CTNNA2: variants seen among roughly 807,000 people sequenced by gnomAD.
The protein encoded by CTNNA2 is catenin alpha-2.
In CTNNA2, 42 loss-of-function variants were observed where a neutral mutation model predicts 101.0. That is an observed-to-expected ratio of 0.42 (90% CI 0.32 to 0.54). The LOEUF is 0.54. Ranked by LOEUF, CTNNA2 falls within the 20% of genes least tolerant of loss-of-function variation. The pLI is 0.14. For synonymous variants in CTNNA2, 450 were observed against 456.4 expected (o/e 0.99, Z 0.18); for missense variants, 871 against 1,223.1 (o/e 0.71, Z 4.29).
chr2:80,000,107 A>C (rs1303677341), intron 7 of CTNNA2, among the ~76,000 whole-genome samples: 1 of 152,116 alleles, frequency 6.6e-6, no homozygotes, highest in Non-Finnish European at 1.5e-5. Flanking sequence ...CACTGATGGG[A>C]TGTGGAGAGC....
At chr2:79,950,152 AC>A (rs1558667516) in intron 7 of CTNNA2, among the ~76,000 whole-genome samples, 2 of 151,200 alleles carry the variant, frequency 1.3e-5, no homozygotes, top group African/African-American at 4.9e-5. Context: ...AAAAAAAAAA[AC>A]CATAAACTAA....
chr2:79,703,203 T>C (rs182807710), intron 2 of CTNNA2, among the ~76,000 whole-genome samples: 14 of 152,344 alleles, frequency 9.2e-5, no homozygotes, highest in Non-Finnish European at 1.5e-5. Flanking sequence ...AGTTCTAATC[T>C]GCATGTTTAT....
intron 9 of CTNNA2, among the ~76,000 whole-genome samples, chr2:80,531,175 C>T (rs942116828): frequency 6.6e-5 from 10 of 152,190 alleles, no homozygotes; most frequent in South Asian, 2.1e-4. Flanking sequence ...GTCTCCCCTA[C>T]CCCATATTCC....
At chr2:79,840,553 T>C (rs972947831) in intron 3 of CTNNA2, among the ~76,000 whole-genome samples, 1 of 152,208 alleles carries the variant, frequency 6.6e-6, no homozygotes, top group African/African-American at 2.4e-5. Flanking sequence ...TGCTATTCAA[T>C]CTCTCACATT....
chr2:80,581,889 T>C lies in CTNNA2; in HGVS notation c.2007+70T>C, dbSNP rs1163328774. Reference sequence around the variant, plus strand: ...TTTACTAAAATGGTTTGAGGGTATTTCTAAACTCCAGACACGTGGTACCCC... The same window carrying C: ...TTTACTAAAATGGTTTGAGGGTATTCCTAAACTCCAGACACGTGGTACCCC... On this transcript the variant is annotated intron_variant, in intron 14 of 18. Coordinates refer to ENST00000402739, the MANE Select transcript of CTNNA2 (RefSeq NM_001282597.3). 7 of 920,390 alleles carry C rather than the reference T, an allele frequency of 7.6e-6. No homozygotes were observed. In the African/African-American group the frequency reaches 1.1e-4, roughly 15 times the overall value. 57.0% of individuals were successfully genotyped at this position (920,390 alleles called of 1,614,324 possible).
At chr2:80,329,288 T>C (rs191528067) in intron 7 of CTNNA2, among the ~76,000 whole-genome samples, 2 of 152,246 alleles carry the variant, frequency 1.3e-5, no homozygotes, top group Admixed American at 6.5e-5. Flanking sequence ...GGAGAAGTAA[T>C]GTTTTGTTTG....
At position 80,283,742 on chromosome 2, in the gene CTNNA2, G is replaced by A. The variant is rs1674553601; in HGVS notation, c.1057-109469G>A. ...AGTGCCCCTGTGCTCTCTTAGAGCTGGAAGGACAGCTAGTCATGCAGGAAG... is the reference window on the plus strand; with the variant it reads ...AGTGCCCCTGTGCTCTCTTAGAGCTAGAAGGACAGCTAGTCATGCAGGAAG... On this transcript the variant is annotated intron_variant, in intron 7 of 18. Transcript: ENST00000402739. 2.0e-5 allele frequency among the ~76,000 whole-genome samples: 3 copies of A among 152,106 alleles called. 1 individual carries two copies. The South Asian group carries it at 6.2e-4, about 31-fold the overall frequency.
At chr2:80,025,027 G>A (rs1018973943) in intron 7 of CTNNA2, among the ~76,000 whole-genome samples, 3 of 152,234 alleles carry the variant, frequency 2.0e-5, no homozygotes, top group South Asian at 2.1e-4. Flanking sequence ...GACCATCCCC[G>A]GCCAAGCTCT....
chr2:79,458,100 T>C (rs1352374235), intron 4 of CTNNA2, among the ~76,000 whole-genome samples: 1 of 152,208 alleles, frequency 6.6e-6, no homozygotes, highest in African/African-American at 2.4e-5. Context: ...GAATTAAGCA[T>C]CTCAGGAGGA....
At chr2:79,546,492 A>G (rs1346622253) in intron 1 of CTNNA2, among the ~76,000 whole-genome samples, 2 of 152,172 alleles carry the variant, frequency 1.3e-5, no homozygotes, top group African/African-American at 4.8e-5. Flanking sequence ...TAAAAATGTA[A>G]TTTCCTTATA....
At chr2:80,273,639 C>T (rs1208640274) in intron 7 of CTNNA2, among the ~76,000 whole-genome samples, 2 of 152,132 alleles carry the variant, frequency 1.3e-5, no homozygotes, top group Non-Finnish European at 2.9e-5. Flanking sequence ...TCACCCTTCT[C>T]CTGCCACACT....
intron 4 of CTNNA2, among the ~76,000 whole-genome samples, chr2:79,456,994 G>A (rs1331832301): frequency 1.3e-5 from 2 of 152,116 alleles, no homozygotes; most frequent in East Asian, 1.9e-4. Context: ...GAGGTCAGGA[G>A]ATCGAGACCA....
intron 7 of CTNNA2, among the ~76,000 whole-genome samples, chr2:79,930,082 C>CA (rs1446231441): frequency 6.6e-6 from 1 of 151,770 alleles, no homozygotes; most frequent in Non-Finnish European, 1.5e-5. Flanking sequence ...ACTAAAAATA[C>CA]AAAAATTAGC....
In CTNNA2 at chr2:79,980,121, C is replaced by G. The variant is rs138297049; in HGVS notation, c.1056+70324C>G. 4.2e-4 allele frequency among the ~76,000 whole-genome samples: 64 copies of G among 152,228 alleles called. No homozygotes were observed. The East Asian group carries it at 0.011, about 27-fold the overall frequency. On this transcript the variant is annotated intron_variant, in intron 7 of 18. Transcript: ENST00000402739. ...TTAGATTTGCATTTCTTTTTCTCAT[C>G]CTAATTTCTTTTTCTTCTAGACCCA...
At chr2:80,247,145 A>G (rs2149100049) in intron 7 of CTNNA2, among the ~76,000 whole-genome samples, 1 of 152,286 alleles carries the variant, frequency 6.6e-6, no homozygotes, top group South Asian at 2.1e-4. Context: ...AGAAAGCTTT[A>G]AGATCTTGAT....
intron 2 of CTNNA2, among the ~76,000 whole-genome samples, chr2:79,295,228 C>T (rs773018688): frequency 2.0e-5 from 3 of 152,262 alleles, no homozygotes; most frequent in Non-Finnish European, 2.9e-5. Context: ...GCCTATACTT[C>T]GGCAGATAAC....
chr2:80,618,950 T>G, intron 17 of CTNNA2, 135 bp from the exon 18 acceptor site: 1 of 496,110 alleles, frequency 2.0e-6, no homozygotes. Flanking sequence ...AGCACGTAAT[T>G]CCTTCATATA....
intron 3 of CTNNA2, among the ~76,000 whole-genome samples, chr2:79,775,058 C>T (rs939126176): frequency 6.6e-6 from 1 of 151,874 alleles, no homozygotes; most frequent in Non-Finnish European, 1.5e-5. Flanking sequence ...GGGAAGGGGG[C>T]GATATTCATA....
intron 3 of CTNNA2, among the ~76,000 whole-genome samples, chr2:79,330,480 T>C (rs1676846478): frequency 6.6e-6 from 1 of 152,088 alleles, no homozygotes; most frequent in African/African-American, 2.4e-5. Flanking sequence ...CTTTGTCTCC[T>C]CAGCAGCCTT....
Sources: allele counts gnomAD v4.1 joint callset (sites outside exome capture counted in the v4.1 genomes callset), GRCh38; gene constraint gnomAD v4.1.1; transcripts MANE v1.5; gene names NCBI Gene and HGNC (gene_info 2026-07-23, HGNC 2026-07-21).